The following AJUBA variants were observed in gnomAD, a reference collection of about 807,000 sequenced individuals.
AJUBA encodes the protein LIM domain-containing protein ajuba.
In AJUBA, 20 loss-of-function variants were observed where a neutral mutation model predicts 53.3. That is an observed-to-expected ratio of 0.38 (90% CI 0.26 to 0.55). The LOEUF is 0.55. Ranked by LOEUF, AJUBA falls within the 20% of genes least tolerant of loss-of-function variation. AJUBA has a pLI of 0.80. For synonymous variants in AJUBA, 296 were observed against 306.2 expected (o/e 0.97, Z 0.35); for missense variants, 580 against 730.5 (o/e 0.79, Z 2.38).
At chr14:22,976,996 T>C in intron 2 of AJUBA, 1 of 1,315,196 alleles carries the variant, frequency 7.6e-7, no homozygotes, top group African/African-American at 1.5e-5. Flanking sequence ...TGCCTTCCTC[T>C]CCAGTGCATA....
rs2044981113 is a variant in AJUBA at position 22,971,221 on chromosome 14, A to G, written c.*2222T>C. On this transcript the variant is annotated 3_prime_UTR_variant, in exon 8 of 8. Transcript: ENST00000262713. ...GGCCTTTGTATTCACTTATTTAATA[A>G]TAGTTCAGAAGAAGCTATCTCAGCT... 1 of 152,152 alleles carries G rather than the reference A, an allele frequency of 6.6e-6. No homozygotes were observed. Among genetic ancestry groups the G allele is most frequent in the Non-Finnish European group, 1.5e-5 (1 of 68,024 alleles). 9.4% of individuals were successfully genotyped at this position (152,152 alleles called of 1,614,324 possible).
intron 2 of AJUBA, chr14:22,976,930 G>A (rs1314907599): frequency 7.2e-7 from 1 of 1,397,474 alleles, no homozygotes; most frequent in Admixed American, 3.0e-5. Context: ...TCTGCTTGCT[G>A]CTCCTCCAGC....
chr14:22,975,004 T>A lies in AJUBA; in HGVS notation c.1340A>T (p.Asn447Ile). ...DGIPFTVDFS[N>I]QVYCVTDYHK... Reference sequence around the variant, plus strand: ...GTAGTCGGTGACACAGTATACTTGGTTGGAGAAGTCCACTGTGAAGGGGAT... The same window carrying A: ...GTAGTCGGTGACACAGTATACTTGGATGGAGAAGTCCACTGTGAAGGGGAT... The change falls in exon 5 of 8, where the codon AAC becomes ATC. Residue 447 changes from asparagine to isoleucine, a missense_variant. By Grantham distance (149) the Asn-to-Ile change is moderately radical (BLOSUM62 -3). Coordinates refer to ENST00000262713, the MANE Select transcript of AJUBA (RefSeq NM_032876.6). 1 of 1,614,254 alleles carries A rather than the reference T, an allele frequency of 6.2e-7. No homozygotes were observed. Among genetic ancestry groups the A allele is most frequent in the Non-Finnish European group, 8.5e-7 (1 of 1,180,046 alleles).
At position 22,978,462 on chromosome 14, in the gene AJUBA, G is replaced by A. The variant is rs770550047; in HGVS notation, c.1007-17C>T. The A allele has an allele frequency of 6.2e-6, 10 of 1,605,122 alleles. No homozygotes were observed. In the South Asian group the frequency reaches 9.9e-5, roughly 16 times the overall value. ...TACAGGTGCCTGAGAAGAGAAAAGT[G>A]TCACACTCTACTCCCCCAGGTCAAA... On this transcript the variant is annotated splice_polypyrimidine_tract_variant and intron_variant, in intron 1 of 7. Transcript: ENST00000262713.
chr14:22,974,702 C>G, intron 6 of AJUBA, 137 bp downstream of exon 6: 1 of 1,031,828 alleles, frequency 9.7e-7, no homozygotes, highest in Non-Finnish European at 1.4e-6. Flanking sequence ...CCCCAAGAGG[C>G]AGAGTCACAC....
At chr14:22,980,551 G>C in intron 1 of AJUBA, 1 of 977,236 alleles carries the variant, frequency 1.0e-6, no homozygotes, top group Non-Finnish European at 1.2e-6. Context: ...GGAGGATGGG[G>C]AAAATAGAAG....
At position 22,981,319 on chromosome 14, in the gene AJUBA, G is replaced by T; in HGVS notation, c.948C>A (p.Phe316Leu). 6.2e-7 allele frequency: 1 copy of T among 1,612,326 alleles called. No individual in the cohort carries two copies. The highest frequency in any genetic ancestry group is 8.5e-7 in the Non-Finnish European group (1 of 1,178,994). Residue 316 changes from phenylalanine (F) to leucine (L), a missense_variant, in exon 1 of 8, where the codon TTC becomes TTA. Around this residue, in one of 2 missense-constraint regions of AJUBA, gnomAD observed 430 missense variants for 471.5 expected, o/e 0.91. Coordinates refer to ENST00000262713, the MANE Select transcript of AJUBA (RefSeq NM_032876.6). ...TCCGGGCCCGGGCGGCCTCCGGAAC[G>T]AAAGGACCTGGTGGCTCCTCCAGAC... The part of the protein sequence containing the change: ...PSGLEEPPGP[F>L]VPEAARARMR...
rs765312504 is a variant in AJUBA, at chr14:22,981,285, G to A, written c.982C>T (p.Pro328Ser). 1.8e-5 allele frequency: 29 copies of A among 1,610,672 alleles called. No individual in the cohort carries two copies. Among genetic ancestry groups the A allele is most frequent in the Non-Finnish European group, 2.4e-5 (28 of 1,178,002 alleles). Residue 328 changes from proline to serine, a missense_variant, in exon 1 of 8, where the codon CCA (proline) becomes TCA (serine). Pro to Ser is a moderately conservative substitution (Grantham distance 74, BLOSUM62 -1). Around this residue, in one of 2 missense-constraint regions of AJUBA, gnomAD observed 430 missense variants for 471.5 expected, o/e 0.91. Coordinates refer to ENST00000262713, the MANE Select transcript of AJUBA (RefSeq NM_032876.6). ...PEAARARMRE[P>S]EAREDYFGTC... ...CCGAAGTAGTCCTCCCTGGCCTCTG[G>A]CTCCCGCATCCGGGCCCGGGCGGCC...
At chr14:22,978,083 A>G (rs1364738481) in intron 2 of AJUBA, among the ~76,000 whole-genome samples, 2 of 151,760 alleles carry the variant, frequency 1.3e-5, no homozygotes, top group Admixed American at 1.3e-4. Flanking sequence ...GCAGGGAAGC[A>G]CGAGAGGGAG....
chr14:22,976,343 G>T, intron 4 of AJUBA, 113 bp downstream of exon 4: 2 of 1,084,538 alleles, frequency 1.8e-6, no homozygotes, highest in South Asian at 1.3e-5. Context: ...GGATGAAAGT[G>T]ATTCATCTGG....
intron 1 of AJUBA, chr14:22,980,635 G>C (rs2045077848): frequency 9.1e-6 from 9 of 985,220 alleles, no homozygotes; most frequent in African/African-American, 3.5e-5. Flanking sequence ...GACAGCAGTT[G>C]GGTCCCAGGG....
At chr14:22,975,999 C>T (rs2045032379) in intron 4 of AJUBA, among the ~76,000 whole-genome samples, 1 of 151,786 alleles carries the variant, frequency 6.6e-6, no homozygotes. Flanking sequence ...CTTTTATCTA[C>T]TAAACATACA....
Position 22,979,277 on chromosome 14 carries a change from G to T in AJUBA, c.1007-832C>A. 2 of 440,944 alleles carry T rather than the reference G, an allele frequency of 4.5e-6. No homozygotes were observed. Among genetic ancestry groups the T allele is most frequent in the Non-Finnish European group, 6.0e-6 (2 of 332,270 alleles). 27.3% of individuals were successfully genotyped at this position (440,944 alleles called of 1,614,324 possible). A position where few individuals can be genotyped will look rare whatever the true frequency, so the allele number is the denominator to read the frequency against. Reference sequence around the variant, plus strand: ...CTCCACTCCCCAATTCCAGGCCCATGAGTGAGGGCTAGGGCCTGTCTTTGG... The same window carrying T: ...CTCCACTCCCCAATTCCAGGCCCATTAGTGAGGGCTAGGGCCTGTCTTTGG... On this transcript the variant is annotated intron_variant, in intron 1 of 7. Coordinates refer to ENST00000262713, the MANE Select transcript of AJUBA (RefSeq NM_032876.6). The surrounding 1 kb of genome is among the most constrained non-coding windows in gnomAD (Gnocchi z 4.0).
chr14:22,981,895 G>T lies in AJUBA; in HGVS notation c.372C>A (p.Phe124Leu). Residue 124 changes from phenylalanine to leucine, a missense_variant, in exon 1 of 8, where the codon TTC becomes TTA. This residue lies in a region of AJUBA where 430 missense variants were observed against 471.5 expected (regional missense o/e 0.91). Transcript: ENST00000262713. Reference sequence around the variant, plus strand: ...TCGCGTCGCTGGCCGAGCTACTGGCGAAGCTAGAGCGGGGGCTGAGGGCCG... The same window carrying T: ...TCGCGTCGCTGGCCGAGCTACTGGCTAAGCTAGAGCGGGGGCTGAGGGCCG... ...TAPALSPRSSFASSSASDASK... is the reference protein window; with the variant it reads ...TAPALSPRSSLASSSASDASK... 1 of 1,546,972 alleles carries T rather than the reference G, an allele frequency of 6.5e-7. No homozygotes were observed. The highest frequency in any genetic ancestry group is 8.7e-7 in the Non-Finnish European group (1 of 1,151,276).
chr14:22,978,593 G>T (rs934555907), intron 1 of AJUBA, 148 bp from the exon 2 acceptor site: 1 of 1,421,618 alleles, frequency 7.0e-7, no homozygotes, highest in Middle Eastern at 1.9e-4. Flanking sequence ...CGAGTAATGA[G>T]ATGCAGCAAG....
At chr14:22,978,309 G>A in intron 2 of AJUBA, 35 bp downstream of exon 2, 1 of 1,576,560 alleles carries the variant, frequency 6.3e-7, no homozygotes, top group Non-Finnish European at 8.7e-7. Flanking sequence ...TGTGGGCAGG[G>A]GAGGGGAGTG....
rs1566658175 is a variant in AJUBA, at chr14:22,981,930, G to C, written c.337C>G (p.Pro113Ala). 1.3e-6 allele frequency: 2 copies of C among 1,558,734 alleles called. No homozygotes were observed. The highest frequency in any genetic ancestry group is 1.7e-6 in the Non-Finnish European group (2 of 1,158,082). The change falls in exon 1 of 8, where the codon CCC becomes GCC. Residue 113 changes from proline to alanine, a missense_variant. By Grantham distance (27) the Pro-to-Ala change is conservative. Coordinates refer to ENST00000262713, the MANE Select transcript of AJUBA (RefSeq NM_032876.6). Reference protein sequence around the residue: ...QSLPPDFRLEPTAPALSPRSS... With the variant: ...QSLPPDFRLEATAPALSPRSS... ...CGGGGGCTGAGGGCCGGGGCCGTGG[G>C]CTCCAGCCGAAAATCGGGGGGCAAC... is the stretch of plus-strand genomic sequence containing the variant.
In AJUBA at chr14:22,981,863, G is replaced by C; in HGVS notation, c.404C>G (p.Pro135Arg). Residue 135 changes from proline (P) to arginine (R), a missense_variant, in exon 1 of 8, where the codon CCG becomes CGG. Pro to Arg is a moderately radical substitution (Grantham distance 103). This residue lies in a region of AJUBA where 430 missense variants were observed against 471.5 expected (regional missense o/e 0.91). Transcript: ENST00000262713. ...ASSSASDASK[P>R]SSPRGSLLLD... ...CAGCAGGCTGCCCCGGGGGCTGGACGGCTTGCTCGCGTCGCTGGCCGAGCT... is the reference window on the plus strand; with the variant it reads ...CAGCAGGCTGCCCCGGGGGCTGGACCGCTTGCTCGCGTCGCTGGCCGAGCT... The C allele has an allele frequency of 6.5e-7, 1 of 1,534,484 alleles. No homozygotes were observed. The highest frequency in any genetic ancestry group is 8.7e-7 in the Non-Finnish European group (1 of 1,145,964).
chr14:22,976,157 A>T (rs1438984994), intron 4 of AJUBA, among the ~76,000 whole-genome samples: 2 of 151,484 alleles, frequency 1.3e-5, no homozygotes, highest in Admixed American at 6.6e-5. Flanking sequence ...TCAAAAAAAA[A>T]AAAAAAAAAA....
Sources: gnomAD v4.1 joint callset for allele counts (sites outside exome capture counted in the v4.1 genomes callset) on GRCh38, gnomAD v4.1.1 for gene constraint, gnomAD v4.1.1 regional missense constraint, Gnocchi (gnomAD v3.1) non-coding constraint, MANE v1.5 for transcripts, NCBI Gene and HGNC (gene_info 2026-07-23, HGNC 2026-07-21) for gene names.